CEP83: variants seen among roughly 807,000 people sequenced by gnomAD.
The protein encoded by CEP83 is centrosomal protein 83.
A neutral mutation model predicts 101.9 loss-of-function variants in CEP83; 70 were observed. That is an observed-to-expected ratio of 0.69 (90% CI 0.57 to 0.84). The LOEUF (loss-of-function observed/expected upper bound fraction) is 0.84. CEP83 is among the 40% of genes least tolerant of loss of function. The pLI, the probability that CEP83 is intolerant of heterozygous loss-of-function variation, is 0.00. For missense variants in CEP83, 715 were observed against 787.2 expected (o/e 0.91, Z 1.10); for synonymous variants, 264 against 267.9 (o/e 0.99, Z 0.14).
At chr12:94,407,571 A>T (rs543216318) in intron 4 of CEP83, among the ~76,000 whole-genome samples, 2 of 152,320 alleles carry the variant, frequency 1.3e-5, no homozygotes, top group Non-Finnish European at 2.9e-5. Flanking sequence ...AATAGCATAC[A>T]ACAGTTTAGG....
intron 8 of CEP83, among the ~76,000 whole-genome samples, chr12:94,375,381 G>C (rs1300590626): frequency 2.0e-5 from 3 of 152,192 alleles, no homozygotes; most frequent in African/African-American, 7.2e-5. Context: ...GAAACCCTGA[G>C]CAAGATGTGA....
the CEP83 span, chr12:94,300,815 C>A: frequency 8.4e-7 from 1 of 1,186,568 alleles, no homozygotes; most frequent in Non-Finnish European, 1.2e-6. Context: ...ACTTCAATAA[C>A]AAGGACAAAA....
At chr12:94,337,911 T>G (rs557293662) in intron 11 of CEP83, among the ~76,000 whole-genome samples, 8 of 152,068 alleles carry the variant, frequency 5.3e-5, no homozygotes, top group Non-Finnish European at 1.0e-4. Flanking sequence ...GGCAAGAAGT[T>G]GAGAAAATTC....
chr12:94,310,005 C>G lies in CEP83; in HGVS notation c.1914G>C (p.Met638Ile). 6.2e-7 allele frequency: 1 copy of G among 1,612,376 alleles called. No individual in the cohort carries two copies. The highest frequency in any genetic ancestry group is 8.5e-7 in the Non-Finnish European group (1 of 1,178,786). The change falls in exon 16 of 17, where the codon ATG (methionine) becomes ATC (isoleucine). Residue 638 changes from methionine (M) to isoleucine (I), a missense_variant. Physicochemically the swap from Met to Ile is conservative, Grantham distance 10. Transcript: ENST00000397809. ...EFRSLILVPN[M>I]PPTASINPVS... is the part of the protein sequence containing the mutation. ...CAGGATTGATAGATGCTGTTGGAGG[C>G]ATGTTAGGAACCAAAATTAGACTTC... is the stretch of plus-strand genomic sequence containing the variant.
chr12:94,304,242 C>A, downstream of CEP83: 1 of 485,724 alleles, frequency 2.1e-6, no homozygotes, highest in Non-Finnish European at 3.7e-6. Flanking sequence ...ACAGTTTTAT[C>A]ATGCTGCCCA....
At chr12:94,300,439 G>A in the CEP83 span, among the ~76,000 whole-genome samples, 5 of 152,164 alleles carry the variant, frequency 3.3e-5, no homozygotes, top group Non-Finnish European at 7.3e-5. Flanking sequence ...ATAGCAAGGA[G>A]AACAGGAGAG....
At chr12:94,341,905 T>A (rs937846478) in intron 11 of CEP83, among the ~76,000 whole-genome samples, 4 of 152,168 alleles carry the variant, frequency 2.6e-5, no homozygotes, top group African/African-American at 9.7e-5. Context: ...CAGAAAAGAT[T>A]CTAACTGGCC....
intron 11 of CEP83, among the ~76,000 whole-genome samples, chr12:94,364,936 C>T (rs576277684): frequency 3.7e-4 from 56 of 152,222 alleles, no homozygotes; most frequent in African/African-American, 1.2e-3. Flanking sequence ...AAGTGAATTC[C>T]TCTTTAACCT....
intron 2 of CEP83, among the ~76,000 whole-genome samples, chr12:94,420,580 TTTTTG>T (rs1273624997): frequency 2.6e-5 from 4 of 152,176 alleles, no homozygotes; most frequent in African/African-American, 4.8e-5. Flanking sequence ...TGCATGGTTT[TTTTTG>T]TTTTGTTTTG....
intron 6 of CEP83, among the ~76,000 whole-genome samples, chr12:94,381,184 G>C (rs1054647897): frequency 2.6e-5 from 4 of 152,162 alleles, no homozygotes; most frequent in African/African-American, 9.6e-5. Context: ...TTGTGTCCCA[G>C]ACATTTGGCA....
At chr12:94,418,286 G>A (rs773536776) in intron 2 of CEP83, among the ~76,000 whole-genome samples, 1 of 152,134 alleles carries the variant, frequency 6.6e-6, no homozygotes, top group African/African-American at 2.4e-5. Context: ...GCTTGAATCT[G>A]GGAGGCAGAG....
At chr12:94,340,241 T>C (rs1004176510) in intron 11 of CEP83, among the ~76,000 whole-genome samples, 1 of 152,220 alleles carries the variant, frequency 6.6e-6, no homozygotes, top group Non-Finnish European at 1.5e-5. Flanking sequence ...TCAGCTTCCC[T>C]TTCCCTTGGT....
intron 6 of CEP83, among the ~76,000 whole-genome samples, chr12:94,394,827 TTC>T (rs1258172641): frequency 6.6e-6 from 1 of 152,170 alleles, no homozygotes; most frequent in Non-Finnish European, 1.5e-5. Context: ...GAACAGACAC[TTC>T]TCAAAAGAAG....
At chr12:94,360,985 C>A (rs1429717683) in intron 11 of CEP83, among the ~76,000 whole-genome samples, 1 of 151,994 alleles carries the variant, frequency 6.6e-6, no homozygotes, top group African/African-American at 2.4e-5. Context: ...AACAAAAGCA[C>A]CAAGAAAATA....
intron 11 of CEP83, among the ~76,000 whole-genome samples, chr12:94,364,982 C>T (rs2060949233): frequency 6.6e-6 from 1 of 152,078 alleles, no homozygotes; most frequent in South Asian, 2.1e-4. Flanking sequence ...TGACTTAATA[C>T]CCAGAGGCAA....
the CEP83 span, chr12:94,297,417 G>A: frequency 5.6e-6 from 9 of 1,609,718 alleles, no homozygotes; most frequent in Admixed American, 1.7e-5. Flanking sequence ...AGCTGCTGTC[G>A]ACCAAGGTAC....
intron 4 of CEP83, among the ~76,000 whole-genome samples, chr12:94,410,282 T>A (rs2063798713): frequency 6.6e-6 from 1 of 152,236 alleles, no homozygotes. Flanking sequence ...ATTTACTATG[T>A]GGAAAGTATG....
intron 11 of CEP83, among the ~76,000 whole-genome samples, chr12:94,338,509 A>G (rs933696537): frequency 5.9e-5 from 9 of 152,294 alleles, no homozygotes; most frequent in Admixed American, 5.2e-4. Context: ...AGTAATTTCT[A>G]CTTAAAAGGC....
At chr12:94,345,672 A>G (rs1236681749) in intron 11 of CEP83, among the ~76,000 whole-genome samples, 2 of 152,186 alleles carry the variant, frequency 1.3e-5, no homozygotes, top group African/African-American at 2.4e-5. Context: ...ACAGCAGGTC[A>G]TAAGACCCGC....
Sources: gnomAD v4.1 joint callset for allele counts (sites outside exome capture counted in the v4.1 genomes callset) on GRCh38, gnomAD v4.1.1 for gene constraint, MANE v1.5 for transcripts, NCBI Gene and HGNC (gene_info 2026-07-23, HGNC 2026-07-21) for gene names.